DLGAP2: variants seen among roughly 807,000 people sequenced by gnomAD.
DLGAP2 encodes the protein disks large-associated protein 2.
In DLGAP2, 26 loss-of-function variants were observed where a neutral mutation model predicts 100.3. The ratio of observed to expected loss-of-function variants is 0.26; its 90% CI spans 0.19 to 0.36. The LOEUF (loss-of-function observed/expected upper bound fraction) is 0.36. Among genes scored for constraint, DLGAP2 ranks in the 10% least tolerant of loss-of-function variants. The pLI, the probability that DLGAP2 is intolerant of heterozygous loss-of-function variation, is 1.00. For synonymous variants in DLGAP2, 886 were observed against 630.1 expected (o/e 1.41, Z -6.08); for missense variants, 1,858 against 1,453.2 (o/e 1.28, Z -4.53).
intron 2 of DLGAP2, among the ~76,000 whole-genome samples, chr8:1,200,898 T>G (rs2116757422): frequency 6.6e-6 from 1 of 152,344 alleles, no homozygotes; most frequent in Admixed American, 6.5e-5. Context: ...CGTGCTCGGT[T>G]TCTCCACGCC....
chr8:1,684,922 C>G (rs1022558983), intron 12 of DLGAP2, among the ~76,000 whole-genome samples: 1 of 152,138 alleles, frequency 6.6e-6, no homozygotes, highest in South Asian at 2.1e-4. Flanking sequence ...CGGAAACTTC[C>G]TTGCCCCAAA....
At chr8:1,013,022 C>G (rs1801342972) in intron 2 of DLGAP2, among the ~76,000 whole-genome samples, 3 of 152,136 alleles carry the variant, frequency 2.0e-5, no homozygotes, top group African/African-American at 4.8e-5. Context: ...GAAGGTGTTT[C>G]CCTTCTTCCT....
chr8:1,269,687 A>G (rs566677503), intron 3 of DLGAP2, among the ~76,000 whole-genome samples: 22 of 152,190 alleles, frequency 1.4e-4, no homozygotes, highest in African/African-American at 5.1e-4. Flanking sequence ...CCAGAATAGA[A>G]TGACTGTGCA....
intron 12 of DLGAP2, among the ~76,000 whole-genome samples, chr8:1,683,854 ATATGTG>A (rs1319348229): frequency 8.5e-4 from 62 of 72,946 alleles, no homozygotes; most frequent in South Asian, 3.6e-3. Flanking sequence ...ATATATATAT[ATATGTG>A]TGTGTGTGTG....
At chr8:1,448,238 C>T (rs1015922728) in intron 3 of DLGAP2, among the ~76,000 whole-genome samples, 4 of 151,866 alleles carry the variant, frequency 2.6e-5, no homozygotes, top group African/African-American at 9.7e-5. Context: ...CGGTAAATTT[C>T]CCTCTACACA....
chr8:1,454,105 C>T (rs1224799837), intron 3 of DLGAP2, among the ~76,000 whole-genome samples: 1 of 152,218 alleles, frequency 6.6e-6, no homozygotes, highest in African/African-American at 2.4e-5. Flanking sequence ...ATGGAAACCA[C>T]ATGCAAAGAG....
intron 1 of DLGAP2, among the ~76,000 whole-genome samples, chr8:819,207 C>T (rs950774649): frequency 6.6e-6 from 1 of 152,074 alleles, no homozygotes; most frequent in Non-Finnish European, 1.5e-5. Flanking sequence ...CTCATAAGTG[C>T]AATGTTATTT....
intron 2 of DLGAP2, among the ~76,000 whole-genome samples, chr8:910,936 C>A (rs1002866153): frequency 6.6e-6 from 1 of 152,298 alleles, no homozygotes; most frequent in African/African-American, 2.4e-5. Flanking sequence ...CCACTTGCTG[C>A]TGGACTTGGG....
At chr8:885,843 A>G (rs1192150074) in intron 1 of DLGAP2, among the ~76,000 whole-genome samples, 1 of 152,146 alleles carries the variant, frequency 6.6e-6, no homozygotes, top group Non-Finnish European at 1.5e-5. Flanking sequence ...TTCATCAGGA[A>G]TATTGGCCTG....
intron 3 of DLGAP2, among the ~76,000 whole-genome samples, chr8:1,282,425 C>T (rs1195361625): frequency 1.6e-5 from 2 of 123,112 alleles, no homozygotes; most frequent in African/African-American, 3.0e-5. Flanking sequence ...CGCCCTGAAC[C>T]ATCCGGACAT....
intron 3 of DLGAP2, among the ~76,000 whole-genome samples, chr8:1,390,122 A>G (rs866807550): frequency 1.3e-5 from 2 of 151,842 alleles, no homozygotes; most frequent in Admixed American, 6.6e-5. Context: ...GGCTTAGAGG[A>G]GAAGCTCTTC....
chr8:1,595,079 T>C (rs1345740192), intron 6 of DLGAP2, among the ~76,000 whole-genome samples: 1 of 152,010 alleles, frequency 6.6e-6, no homozygotes, highest in Admixed American at 6.6e-5. Flanking sequence ...TCTTGCTCTG[T>C]CACCCAGGCT....
chr8:796,800 C>T (rs1248460483), intron 1 of DLGAP2, among the ~76,000 whole-genome samples: 1 of 152,212 alleles, frequency 6.6e-6, no homozygotes, highest in Admixed American at 6.5e-5. Context: ...TACATCTCCA[C>T]TGGCACCATG....
intron 3 of DLGAP2, among the ~76,000 whole-genome samples, chr8:1,487,611 C>T (rs773178953): frequency 6.6e-5 from 10 of 152,184 alleles, no homozygotes; most frequent in East Asian, 1.9e-4. Flanking sequence ...CCAGATAACA[C>T]GAGTCACTCT....
chr8:1,061,388 G>A (rs1002266817), intron 2 of DLGAP2, among the ~76,000 whole-genome samples: 2 of 152,140 alleles, frequency 1.3e-5, no homozygotes, highest in Non-Finnish European at 2.9e-5. Flanking sequence ...GTGTAGAAAT[G>A]AGTCCCAGCT....
intron 3 of DLGAP2, among the ~76,000 whole-genome samples, chr8:1,289,426 C>G (rs1800010867): frequency 6.6e-6 from 1 of 152,188 alleles, no homozygotes; most frequent in Non-Finnish European, 1.5e-5. Flanking sequence ...TACACACATG[C>G]CCTGTCTATT....
At chr8:1,329,347 C>A (rs184328490) in intron 3 of DLGAP2, among the ~76,000 whole-genome samples, 145 of 152,262 alleles carry the variant, frequency 9.5e-4, no homozygotes, top group African/African-American at 3.3e-3. Flanking sequence ...GATTAAATGG[C>A]ATTTCATTTA....
chr8:1,319,737 T>C (rs1264632481), intron 3 of DLGAP2, among the ~76,000 whole-genome samples: 1 of 152,064 alleles, frequency 6.6e-6, no homozygotes. Flanking sequence ...AGGCAGGACA[T>C]CAGCAGCTTT....
chr8:1,701,531 C>A lies in DLGAP2; in HGVS notation c.*125C>A. On this transcript the variant is annotated 3_prime_UTR_variant, in exon 15 of 15. Transcript: ENST00000637795. Reference sequence around the variant, plus strand: ...CACGTCCTCGCTCCCGCGCTCCCCGCGCCCCGGACACAGCGGGACGCGGCC... The same window carrying A: ...CACGTCCTCGCTCCCGCGCTCCCCGAGCCCCGGACACAGCGGGACGCGGCC... 2 of 1,076,522 alleles carry A rather than the reference C, an allele frequency of 1.9e-6. No homozygotes were observed. The highest frequency in any genetic ancestry group is 2.6e-6 in the Non-Finnish European group (2 of 772,104). The allele number at this position is 1,076,522 out of a possible 1,614,324, so 66.7% of individuals were successfully genotyped here.
Sources: gnomAD v4.1 joint callset for allele counts (sites outside exome capture counted in the v4.1 genomes callset) on GRCh38, gnomAD v4.1.1 for gene constraint, MANE v1.5 for transcripts, NCBI Gene and HGNC (gene_info 2026-07-23, HGNC 2026-07-21) for gene names.